The following IKZF3 variants were observed in gnomAD, a reference collection of about 807,000 sequenced individuals.
The protein encoded by IKZF3 is IKAROS family zinc finger 3.
IKZF3 carries 10 observed loss-of-function variants against 49.0 expected under a neutral mutation model. The observed-to-expected ratio is 0.20, with a 90% CI of 0.13 to 0.35. IKZF3 has a LOEUF of 0.35. IKZF3 is among the 10% of genes least tolerant of loss of function. The probability of loss-of-function intolerance (pLI) is 1.00; values close to 1 mark genes in which losing one functional copy is unlikely to be tolerated. For missense variants in IKZF3, 498 were observed against 664.8 expected, an observed-to-expected ratio of 0.75 and a Z score of 2.76; for synonymous variants, 209 against 228.2, an observed-to-expected ratio of 0.92 and a Z score of 0.76.
At chr17:39,798,159 G>A (rs1038720608) in intron 3 of IKZF3, among the ~76,000 whole-genome samples, 7 of 151,996 alleles carry the variant, frequency 4.6e-5, no homozygotes, top group South Asian at 4.2e-4. Context: ...ACTTTCCCAC[G>A]ATCTACTTAT....
chr17:39,817,438 T>A (rs1451567764), intron 3 of IKZF3, among the ~76,000 whole-genome samples: 1 of 152,200 alleles, frequency 6.6e-6, no homozygotes, highest in Non-Finnish European at 1.5e-5. Context: ...TCTAGTCTTC[T>A]TTTTTTATAG....
intron 7 of IKZF3, among the ~76,000 whole-genome samples, chr17:39,772,106 TAC>T (rs1487635290): frequency 6.6e-6 from 1 of 152,050 alleles, no homozygotes; most frequent in African/African-American, 2.4e-5. Flanking sequence ...AGTGAGATAT[TAC>T]ACAGAAGAGG....
At position 39,772,365 on chromosome 17, in the gene IKZF3, T is replaced by C. The variant is rs2060466427; in HGVS notation, c.826+5286A>G. Among the ~76,000 whole-genome samples, 4 of 152,202 alleles carry C rather than the reference T, an allele frequency of 2.6e-5. No homozygotes were observed. The South Asian group carries it at 8.3e-4, about 31-fold the overall frequency. On this transcript the variant is annotated intron_variant, in intron 7 of 7. Transcript: ENST00000346872. ...GGGGTAAGGTGAAATATTCAGGTCT[T>C]AAGTCTTAAAGTTCTTCAAGTCACT...
chr17:39,777,841 AAGG>A (rs758952402), intron 6 of IKZF3, 74 bp from the exon 7 acceptor site: 21 of 1,570,674 alleles, frequency 1.3e-5, no homozygotes, highest in Middle Eastern at 1.7e-4. Context: ...AATAAACTGG[AAGG>A]AGAAGTGTCC....
At chr17:39,849,662 A>C (rs1598202130) in intron 1 of IKZF3, among the ~76,000 whole-genome samples, 1 of 151,832 alleles carries the variant, frequency 6.6e-6, no homozygotes, top group Non-Finnish European at 1.5e-5. Flanking sequence ...AGGAAAAAAA[A>C]CAAAACAAAC....
chr17:39,811,318 G>GGAAAGAAA (rs71355418), intron 3 of IKZF3, among the ~76,000 whole-genome samples: 1,412 of 132,666 alleles, frequency 0.011, 32 homozygotes, highest in African/African-American at 0.036. Context: ...AAAGAGAGAA[G>GGAAAGAAA]GAAAGAAAGA....
At chr17:39,831,369 C>T (rs555045868) in intron 2 of IKZF3, among the ~76,000 whole-genome samples, 5 of 150,668 alleles carry the variant, frequency 3.3e-5, no homozygotes, top group African/African-American at 7.3e-5. Context: ...AGCGAAATTC[C>T]GTCTCAAAAA....
intron 1 of IKZF3, among the ~76,000 whole-genome samples, chr17:39,833,207 T>C (rs2062165913): frequency 6.6e-6 from 1 of 152,206 alleles, no homozygotes; most frequent in South Asian, 2.1e-4. Context: ...AGTCCTAACA[T>C]TTCAGCATGA....
At chr17:39,830,428 TCAGA>T (rs759199922) in intron 2 of IKZF3, among the ~76,000 whole-genome samples, 6 of 152,108 alleles carry the variant, frequency 3.9e-5, no homozygotes, top group Non-Finnish European at 8.8e-5. Context: ...CATGGTAGGC[TCAGA>T]CAAAGGATTA....
chr17:39,803,072 T>C (rs2061358449), intron 3 of IKZF3, among the ~76,000 whole-genome samples: 1 of 152,188 alleles, frequency 6.6e-6, no homozygotes, highest in African/African-American at 2.4e-5. Context: ...TTTACTACTT[T>C]TACAACAGAA....
intron 1 of IKZF3, among the ~76,000 whole-genome samples, chr17:39,850,960 A>G (rs1463719281): frequency 1.4e-5 from 2 of 141,212 alleles, no homozygotes; most frequent in Non-Finnish European, 3.0e-5. Flanking sequence ...ATACACGTAT[A>G]TTATATACGT....
intron 7 of IKZF3, among the ~76,000 whole-genome samples, chr17:39,772,879 G>A (rs114274602): frequency 0.015 from 2,342 of 152,100 alleles, 60 homozygotes; most frequent in African/African-American, 0.054. Context: ...AAGCTGGTGC[G>A]ATCTCGGCTT....
At position 39,759,903 on chromosome 17, in the gene IKZF3, GCTAA is replaced by G. The variant is rs887189324; in HGVS notation, c.*5883_*5886del. 12 of 152,196 alleles carry G rather than the reference GCTAA, an allele frequency of 7.9e-5. No homozygotes were observed. In the South Asian group the frequency reaches 2.1e-3, roughly 26 times the overall value. 9.4% of individuals were successfully genotyped at this position (152,196 alleles called of 1,614,324 possible). A position where few individuals can be genotyped will look rare whatever the true frequency, so the allele number is the denominator to read the frequency against. ...CGGGTTTTTTTCTTCTGTTCCTGGT[GCTAA>G]CTTTTAGGACAAAGTTTCACCACTC... On this transcript the variant is annotated 3_prime_UTR_variant, in exon 8 of 8. Transcript: ENST00000346872.
chr17:39,792,482 A>G (rs1256548697), intron 4 of IKZF3, among the ~76,000 whole-genome samples, 191 bp downstream of exon 4: 1 of 152,224 alleles, frequency 6.6e-6, no homozygotes, highest in African/African-American at 2.4e-5. Context: ...AGCATTTGCA[A>G]TATGTTTGCC....
In IKZF3 at chr17:39,764,392, G is replaced by C. The variant is rs1294144423; in HGVS notation, c.*1398C>G. On this transcript the variant is annotated 3_prime_UTR_variant, in exon 8 of 8. Coordinates refer to ENST00000346872, the MANE Select transcript of IKZF3 (RefSeq NM_012481.5). ...GGTGGGAGGATCACCTGAGCCTGGG[G>C]AGGTCGAGGCTGCACTGAGCCATGA... 1 of 151,142 alleles carries C rather than the reference G, an allele frequency of 6.6e-6. No homozygotes were observed. Among genetic ancestry groups the C allele is most frequent in the East Asian group, 2.0e-4 (1 of 5,118 alleles). The allele number at this position is 151,142 out of a possible 1,614,324, so 9.4% of individuals were successfully genotyped here. A position where few individuals can be genotyped will look rare whatever the true frequency, so the allele number is the denominator to read the frequency against.
intron 1 of IKZF3, 93 bp downstream of exon 1, chr17:39,864,027 G>A: frequency 6.5e-7 from 1 of 1,531,216 alleles, no homozygotes; most frequent in Non-Finnish European, 9.0e-7. Context: ...GTAAATAGAA[G>A]CAAAACTGAG....
intron 1 of IKZF3, chr17:39,836,080 G>C (rs763977321): frequency 3.0e-6 from 2 of 656,628 alleles, no homozygotes; most frequent in Non-Finnish European, 5.5e-6. Context: ...TTCAGGAACC[G>C]CGATGAAGGG....
At chr17:39,861,015 C>T (rs2144601504) in intron 1 of IKZF3, among the ~76,000 whole-genome samples, 1 of 152,292 alleles carries the variant, frequency 6.6e-6, no homozygotes, top group African/African-American at 2.4e-5. Flanking sequence ...CCCCAATCTC[C>T]TACTTTAAAA....
At chr17:39,836,017 T>A in intron 1 of IKZF3, 1 of 639,720 alleles carries the variant, frequency 1.6e-6, no homozygotes, top group Non-Finnish European at 2.9e-6. Context: ...CTCCAAGCTG[T>A]CTTCTGCTGC....
Sources: gnomAD v4.1 joint callset for allele counts (sites outside exome capture counted in the v4.1 genomes callset) on GRCh38, gnomAD v4.1.1 for gene constraint, MANE v1.5 for transcripts, NCBI Gene and HGNC (gene_info 2026-07-23, HGNC 2026-07-21) for gene names.